CNTNAP5: variants seen among roughly 807,000 people sequenced by gnomAD.
The protein encoded by CNTNAP5 is contactin associated protein family member 5.
Under a neutral mutation model 150.2 loss-of-function variants are expected in CNTNAP5, and 72 were observed. The observed-to-expected ratio is 0.48, with a 90% CI of 0.40 to 0.58. The LOEUF (loss-of-function observed/expected upper bound fraction) is 0.58. Ranked by LOEUF, CNTNAP5 falls within the 20% of genes least tolerant of loss-of-function variation. The pLI is 0.00. For synonymous variants in CNTNAP5, 672 were observed against 619.8 expected (o/e 1.08, Z -1.25); for missense variants, 1,636 against 1,626.2 (o/e 1.01, Z -0.10).
intron 19 of CNTNAP5, among the ~76,000 whole-genome samples, chr2:124,843,610 G>T (rs549953749): frequency 6.6e-6 from 1 of 152,058 alleles, no homozygotes; most frequent in Non-Finnish European, 1.5e-5. Context: ...GGTTGCACTG[G>T]TTTACATTCC....
chr2:124,513,912 G>A (rs1694648987), intron 8 of CNTNAP5, among the ~76,000 whole-genome samples: 1 of 152,200 alleles, frequency 6.6e-6, no homozygotes, highest in Non-Finnish European at 1.5e-5. Flanking sequence ...TCTCATAGAA[G>A]CCATTTGTAG....
rs1677337496 is a variant in CNTNAP5 at position 124,609,711 on chromosome 2, T to C, written c.1757-90T>C. On this transcript the variant is annotated intron_variant, in intron 11 of 23. Transcript: ENST00000682447. ...ATAGAAGGAGGGAAATGAATACACATAGAGCAAATCTAAGTAGGAGTTACT... is the reference window on the plus strand; with the variant it reads ...ATAGAAGGAGGGAAATGAATACACACAGAGCAAATCTAAGTAGGAGTTACT... 6 of 1,428,138 alleles carry C rather than the reference T, an allele frequency of 4.2e-6. 1 individual carries two copies. In the South Asian group the frequency reaches 8.1e-5, roughly 19 times the overall value. The allele number at this position is 1,428,138 out of a possible 1,614,324, so 88.5% of individuals were successfully genotyped here. A position where few individuals can be genotyped will look rare whatever the true frequency, so the allele number is the denominator to read the frequency against.
Position 124,291,470 on chromosome 2 carries a change from T to C in CNTNAP5, c.381+49077T>C, listed in dbSNP as rs1366468512. Among the ~76,000 whole-genome samples the C allele has an allele frequency of 9.4e-5, 13 of 138,282 alleles. No homozygotes were observed. In the Admixed American group the frequency reaches 9.5e-4, roughly 10 times the overall value. The allele number at this position is 138,282 out of a possible 152,430, so 90.7% of individuals were successfully genotyped here. A position where few individuals can be genotyped will look rare whatever the true frequency, so the allele number is the denominator to read the frequency against. On this transcript the variant is annotated intron_variant, in intron 3 of 23. Coordinates refer to ENST00000682447, the MANE Select transcript of CNTNAP5 (RefSeq NM_001367498.1). ...TTTTTATCTATTTAGAAACTATAGATAGTAAATTAAGAAAAAATCAGTATT... is the reference window on the plus strand; with the variant it reads ...TTTTTATCTATTTAGAAACTATAGACAGTAAATTAAGAAAAAATCAGTATT...
intron 1 of CNTNAP5, among the ~76,000 whole-genome samples, chr2:124,069,994 A>G (rs1460120533): frequency 2.0e-5 from 3 of 152,190 alleles, no homozygotes; most frequent in African/African-American, 7.2e-5. Context: ...TAAAACATAT[A>G]TAGTGCCATA....
At chr2:124,413,743 A>G (rs1200102796) in intron 3 of CNTNAP5, among the ~76,000 whole-genome samples, 3 of 3,284 alleles carry the variant, frequency 9.1e-4, no homozygotes, top group African/African-American at 1.9e-3. Context: ...GGGTGGGGGG[A>G]GGCGGGAGGG....
intron 11 of CNTNAP5, among the ~76,000 whole-genome samples, chr2:124,563,966 G>A (rs566186956): frequency 1.2e-4 from 18 of 152,316 alleles, no homozygotes; most frequent in Admixed American, 4.6e-4. Context: ...AGGGGCTGAA[G>A]TGCAATCTTG....
In CNTNAP5 at chr2:124,247,134, T is replaced by G. The variant is rs201769042; in HGVS notation, c.381+4741T>G. Among the ~76,000 whole-genome samples, 10 of 152,272 alleles carry G rather than the reference T, an allele frequency of 6.6e-5. No homozygotes were observed. The East Asian group carries it at 1.9e-3, about 29-fold the overall frequency. ...AAATTCTCTGGGAGATGCTCTCTGA[T>G]CTTCATGATTTATACACATTTATTC... On this transcript the variant is annotated intron_variant, in intron 3 of 23. Coordinates refer to ENST00000682447, the MANE Select transcript of CNTNAP5 (RefSeq NM_001367498.1).
At chr2:124,569,863 A>G (rs1696112699) in intron 11 of CNTNAP5, among the ~76,000 whole-genome samples, 1 of 152,192 alleles carries the variant, frequency 6.6e-6, no homozygotes, top group African/African-American at 2.4e-5. Flanking sequence ...ATCATTGCAG[A>G]GGGACAACAC....
intron 8 of CNTNAP5, among the ~76,000 whole-genome samples, 177 bp downstream of exon 8, chr2:124,504,733 G>A (rs1694362726): frequency 7.4e-6 from 1 of 134,830 alleles, no homozygotes; most frequent in African/African-American, 2.8e-5. Context: ...TTTTGAAGAT[G>A]GAGTCTTGCT....
intron 8 of CNTNAP5, among the ~76,000 whole-genome samples, chr2:124,505,833 C>G (rs139587815): frequency 3.3e-4 from 50 of 152,236 alleles, no homozygotes; most frequent in African/African-American, 1.2e-3. Flanking sequence ...GCATGCTGAT[C>G]GATGAAGAAG....
intron 12 of CNTNAP5, among the ~76,000 whole-genome samples, chr2:124,623,510 G>A (rs1226692678): frequency 1.3e-5 from 2 of 152,194 alleles, no homozygotes; most frequent in Non-Finnish European, 1.5e-5. Flanking sequence ...GTGGGGACAT[G>A]AGTAAAACCC....
chr2:124,601,445 A>G (rs1007608199), intron 11 of CNTNAP5, among the ~76,000 whole-genome samples: 5 of 152,220 alleles, frequency 3.3e-5, no homozygotes, highest in Admixed American at 6.5e-5. Context: ...TATTTCAGGG[A>G]CCACTATCAA....
chr2:124,598,819 G>A (rs1295334672), intron 11 of CNTNAP5, among the ~76,000 whole-genome samples: 3 of 152,170 alleles, frequency 2.0e-5, no homozygotes, highest in African/African-American at 2.4e-5. Flanking sequence ...AGGACCCTCC[G>A]AGCCAGGTGT....
chr2:124,178,594 A>G (rs1685124970), intron 1 of CNTNAP5, among the ~76,000 whole-genome samples: 1 of 152,022 alleles, frequency 6.6e-6, no homozygotes, highest in South Asian at 2.1e-4. Flanking sequence ...GCTTTTGGAA[A>G]CCACTATTTA....
intron 3 of CNTNAP5, among the ~76,000 whole-genome samples, chr2:124,375,212 C>T (rs1690614902): frequency 1.3e-5 from 2 of 151,652 alleles, no homozygotes; most frequent in South Asian, 4.2e-4. Flanking sequence ...TTTGCATGGC[C>T]TGAAAGTATC....
chr2:124,473,979 A>T (rs145596174), intron 6 of CNTNAP5, among the ~76,000 whole-genome samples: 2 of 152,154 alleles, frequency 1.3e-5, no homozygotes, highest in African/African-American at 4.8e-5. Context: ...GGTTTTTGCC[A>T]TTACTTTTAG....
chr2:124,075,611 ATC>A (rs952894541), intron 1 of CNTNAP5, among the ~76,000 whole-genome samples: 2 of 152,038 alleles, frequency 1.3e-5, no homozygotes, highest in Non-Finnish European at 2.9e-5. Context: ...CTGCACTTTC[ATC>A]TCTGTTTCCC....
At chr2:124,678,647 C>T (rs775169709) in intron 13 of CNTNAP5, among the ~76,000 whole-genome samples, 7 of 151,840 alleles carry the variant, frequency 4.6e-5, no homozygotes, top group Non-Finnish European at 7.3e-5. Context: ...GTGGGAACTA[C>T]AGCAAATGGA....
At chr2:124,209,767 G>A (rs1685960068) in intron 1 of CNTNAP5, among the ~76,000 whole-genome samples, 2 of 152,250 alleles carry the variant, frequency 1.3e-5, no homozygotes, top group South Asian at 2.1e-4. Context: ...ACCTGTCACC[G>A]AGCTGGTCCT....
Sources: allele counts gnomAD v4.1 joint callset (sites outside exome capture counted in the v4.1 genomes callset), GRCh38; gene constraint gnomAD v4.1.1; transcripts MANE v1.5; gene names NCBI Gene and HGNC (gene_info 2026-07-23, HGNC 2026-07-21).